The following CNTNAP2 variants were observed in gnomAD, a reference collection of about 807,000 sequenced individuals.
CNTNAP2 encodes contactin-associated protein-like 2.
A neutral mutation model predicts 155.2 loss-of-function variants in CNTNAP2; 98 were observed. The ratio of observed to expected loss-of-function variants is 0.63; its 90% CI spans 0.54 to 0.75. The LOEUF (loss-of-function observed/expected upper bound fraction) is 0.75, where lower values mean the gene tolerates loss of function less well. Ranked by LOEUF, CNTNAP2 falls within the 30% of genes least tolerant of loss-of-function variation. The pLI is 0.00. For missense variants in CNTNAP2, 1,727 were observed against 1,688.1 expected, an observed-to-expected ratio of 1.02 and a Z score of -0.40; for synonymous variants, 651 against 631.2, an observed-to-expected ratio of 1.03 and a Z score of -0.47.
At chr7:147,412,236 C>T (rs898814182) in intron 10 of CNTNAP2, among the ~76,000 whole-genome samples, 3 of 152,158 alleles carry the variant, frequency 2.0e-5, no homozygotes, top group African/African-American at 7.2e-5. Context: ...TCCTTTGCAG[C>T]TTCATCTCAC....
At chr7:147,684,665 A>G (rs1212923100) in intron 13 of CNTNAP2, among the ~76,000 whole-genome samples, 1 of 151,934 alleles carries the variant, frequency 6.6e-6, no homozygotes, top group Admixed American at 6.6e-5. Flanking sequence ...CAGGAAAATA[A>G]TAATGTTAAC....
intron 3 of CNTNAP2, among the ~76,000 whole-genome samples, chr7:146,879,923 A>G (rs1795506876): frequency 1.3e-5 from 2 of 152,062 alleles, no homozygotes; most frequent in African/African-American, 4.8e-5. Context: ...GGCAAAAGGC[A>G]CATCTTACAT....
At chr7:146,973,539 A>G (rs934105851) in intron 3 of CNTNAP2, among the ~76,000 whole-genome samples, 4 of 152,222 alleles carry the variant, frequency 2.6e-5, no homozygotes, top group Non-Finnish European at 4.4e-5. Context: ...ACTTTTAAGG[A>G]TAATTAAAAA....
At chr7:147,131,068 G>GTATATATA (rs1801344314) in intron 7 of CNTNAP2, among the ~76,000 whole-genome samples, 2 of 148,018 alleles carry the variant, frequency 1.4e-5, no homozygotes, top group African/African-American at 2.5e-5. Flanking sequence ...ATATATATGT[G>GTATATATA]TGTATATATA....
At chr7:146,866,981 A>C (rs1055689844) in intron 3 of CNTNAP2, among the ~76,000 whole-genome samples, 8 of 152,124 alleles carry the variant, frequency 5.3e-5, no homozygotes, top group Non-Finnish European at 1.0e-4. Context: ...ATGTAGATGC[A>C]TATAACAACC....
At chr7:146,424,560 A>G (rs1201660970) in intron 1 of CNTNAP2, among the ~76,000 whole-genome samples, 2 of 152,104 alleles carry the variant, frequency 1.3e-5, no homozygotes, top group African/African-American at 4.8e-5. Flanking sequence ...GTCTTTCAGT[A>G]GGAAAGCCAG....
At chr7:148,159,946 AACT>A (rs1805486477) in intron 17 of CNTNAP2, among the ~76,000 whole-genome samples, 1 of 152,048 alleles carries the variant, frequency 6.6e-6, no homozygotes. Context: ...CTGCTCTTAA[AACT>A]ACCACACTGC....
At chr7:147,723,665 C>T (rs552941305) in intron 13 of CNTNAP2, among the ~76,000 whole-genome samples, 1 of 151,956 alleles carries the variant, frequency 6.6e-6, no homozygotes, top group East Asian at 1.9e-4. Flanking sequence ...AACCATCTTT[C>T]AAATATTGCC....
At chr7:147,040,654 T>G (rs986993969) in intron 3 of CNTNAP2, among the ~76,000 whole-genome samples, 1 of 151,784 alleles carries the variant, frequency 6.6e-6, no homozygotes, top group African/African-American at 2.4e-5. Context: ...AGAGATAGGG[T>G]ATCAGCATGT....
intron 3 of CNTNAP2, among the ~76,000 whole-genome samples, chr7:146,999,986 T>C (rs143262481): frequency 1.7e-3 from 264 of 152,096 alleles, no homozygotes; most frequent in African/African-American, 5.8e-3. Flanking sequence ...TTGCTTTTTT[T>C]TGAATGCCAA....
intron 8 of CNTNAP2, among the ~76,000 whole-genome samples, chr7:147,217,190 G>A (rs1347871439): frequency 2.6e-5 from 4 of 151,786 alleles, no homozygotes; most frequent in Admixed American, 6.6e-5. Flanking sequence ...GTACAATGGC[G>A]AAAATAAGTG....
chr7:146,969,700 G>T (rs1269784257), intron 3 of CNTNAP2, among the ~76,000 whole-genome samples: 1 of 151,712 alleles, frequency 6.6e-6, no homozygotes, highest in Non-Finnish European at 1.5e-5. Context: ...TTGAGCCTAT[G>T]TGTGTTTACT....
At chr7:146,860,755 A>G (rs1209575906) in intron 3 of CNTNAP2, among the ~76,000 whole-genome samples, 3 of 152,166 alleles carry the variant, frequency 2.0e-5, no homozygotes, top group Non-Finnish European at 4.4e-5. Flanking sequence ...AACAGAAAAA[A>G]AAAACGCATT....
intron 1 of CNTNAP2, among the ~76,000 whole-genome samples, chr7:146,468,058 G>T (rs535575173): frequency 1.3e-5 from 2 of 152,164 alleles, no homozygotes; most frequent in Non-Finnish European, 2.9e-5. Context: ...AGATAAAACA[G>T]AAATCTTGAT....
intron 1 of CNTNAP2, among the ~76,000 whole-genome samples, chr7:146,602,923 T>C (rs1798973664): frequency 7.0e-6 from 1 of 143,812 alleles, no homozygotes; most frequent in Non-Finnish European, 1.5e-5. Context: ...TTCCATCTCT[T>C]CCGTTATTCC....
At chr7:146,223,810 C>T (rs1375488789) in intron 1 of CNTNAP2, among the ~76,000 whole-genome samples, 11 of 152,178 alleles carry the variant, frequency 7.2e-5, no homozygotes, top group African/African-American at 2.7e-4. Flanking sequence ...ACACCTAGCT[C>T]TTATCCTAAA....
intron 1 of CNTNAP2, among the ~76,000 whole-genome samples, chr7:146,379,612 A>G (rs979335557): frequency 9.2e-5 from 14 of 152,266 alleles, no homozygotes; most frequent in Middle Eastern, 3.4e-3. Flanking sequence ...TGGGGCTTCC[A>G]TTGTTCACTC....
intron 4 of CNTNAP2, among the ~76,000 whole-genome samples, chr7:147,079,536 T>TAC (rs1223922671): frequency 5.3e-5 from 8 of 151,782 alleles, no homozygotes; most frequent in Admixed American, 1.3e-4. Context: ...ATGGCATATG[T>TAC]ATACATATGT....
chr7:146,624,509 T>C (rs1298797812), intron 1 of CNTNAP2, among the ~76,000 whole-genome samples: 1 of 152,046 alleles, frequency 6.6e-6, no homozygotes, highest in Non-Finnish European at 1.5e-5. Context: ...AGAAAGATTA[T>C]CCTCTCTTCA....
Sources: allele counts gnomAD v4.1 joint callset (sites outside exome capture counted in the v4.1 genomes callset), GRCh38; gene constraint gnomAD v4.1.1; transcripts MANE v1.5; gene names NCBI Gene and HGNC (gene_info 2026-07-23, HGNC 2026-07-21).